The following PDZD2 variants were observed in gnomAD, a reference collection of about 807,000 sequenced individuals.
PDZD2 encodes PDZ domain containing 2.
A neutral mutation model predicts 220.7 loss-of-function variants in PDZD2; 90 were observed. The observed-to-expected ratio is 0.41, with a 90% CI of 0.34 to 0.49. PDZD2 has a LOEUF of 0.49. PDZD2 is among the 20% of genes least tolerant of loss of function. PDZD2 has a pLI of 0.28. For synonymous variants in PDZD2, 1,375 were observed against 1,450.5 expected (o/e 0.95, Z 1.18); for missense variants, 3,174 against 3,608.5 (o/e 0.88, Z 3.08).
intron 1 of PDZD2, among the ~76,000 whole-genome samples, chr5:31,721,897 C>T (rs1042312875): frequency 6.6e-6 from 1 of 152,072 alleles, no homozygotes; most frequent in East Asian, 1.9e-4. Flanking sequence ...ATCTGTTTCT[C>T]CTCTGGATTT....
intron 12 of PDZD2, 52 bp from the exon 13 acceptor site, chr5:32,059,187 T>C (rs889024855): frequency 1.1e-6 from 1 of 922,684 alleles, no homozygotes; most frequent in Non-Finnish European, 1.8e-6. Context: ...ACATTTTTTC[T>C]AGTGATTGTG....
chr5:31,805,800 G>A (rs1291498024), intron 2 of PDZD2, among the ~76,000 whole-genome samples: 2 of 152,166 alleles, frequency 1.3e-5, no homozygotes, highest in Non-Finnish European at 2.9e-5. Flanking sequence ...AGTGGAGTAG[G>A]TTGGCCCCTA....
At chr5:32,080,708 G>A (rs1406313058) in intron 19 of PDZD2, among the ~76,000 whole-genome samples, 1 of 152,120 alleles carries the variant, frequency 6.6e-6, no homozygotes, top group Non-Finnish European at 1.5e-5. Context: ...AGAAAATGTA[G>A]TACATATACA....
chr5:31,869,556 T>G (rs1254060178), intron 2 of PDZD2, among the ~76,000 whole-genome samples: 1 of 151,794 alleles, frequency 6.6e-6, no homozygotes. Context: ...AGAGCGAGAC[T>G]CTGTCTCAAA....
intron 1 of PDZD2, among the ~76,000 whole-genome samples, chr5:31,656,873 T>C (rs565483186): frequency 6.6e-6 from 1 of 152,314 alleles, no homozygotes; most frequent in African/African-American, 2.4e-5. Context: ...CTCTCTCCAT[T>C]AGAAGTAGTG....
At chr5:31,674,461 AC>A (rs1340144208) in intron 1 of PDZD2, among the ~76,000 whole-genome samples, 1 of 152,226 alleles carries the variant, frequency 6.6e-6, no homozygotes, top group African/African-American at 2.4e-5. Context: ...AACCAAAAAC[AC>A]TTAGAAATAG....
chr5:31,645,724 T>C (rs1265265204), intron 1 of PDZD2, among the ~76,000 whole-genome samples: 1 of 152,162 alleles, frequency 6.6e-6, no homozygotes, highest in African/African-American at 2.4e-5. Flanking sequence ...ACAGACCCTG[T>C]TGTCCTGGCC....
In PDZD2 at chr5:32,010,498, C is replaced by G; in HGVS notation, c.1407+16C>G. Reference sequence around the variant, plus strand: ...CCAGAGAGCAGTAAGTGGCTCTGTGCTCCTGGCTTTCTGTTGGAATTACTT... The same window carrying G: ...CCAGAGAGCAGTAAGTGGCTCTGTGGTCCTGGCTTTCTGTTGGAATTACTT... On this transcript the variant is annotated intron_variant, in intron 6 of 24. Transcript: ENST00000438447. 6.3e-7 allele frequency: 1 copy of G among 1,589,308 alleles called. No homozygotes were observed. The highest frequency in any genetic ancestry group is 8.6e-7 in the Non-Finnish European group (1 of 1,160,374).
chr5:32,029,485 C>T (rs1386985466), intron 6 of PDZD2, among the ~76,000 whole-genome samples: 1 of 151,984 alleles, frequency 6.6e-6, no homozygotes, highest in African/African-American at 2.4e-5. Context: ...TAGGATTTAA[C>T]CCCAGTTTAT....
intron 2 of PDZD2, among the ~76,000 whole-genome samples, chr5:31,857,309 G>A (rs1323508841): frequency 6.6e-6 from 1 of 152,008 alleles, no homozygotes; most frequent in Non-Finnish European, 1.5e-5. Context: ...ATCATTGTGG[G>A]GTCTCCTCTC....
chr5:31,685,076 G>A (rs1175492909), intron 1 of PDZD2, among the ~76,000 whole-genome samples: 1 of 152,016 alleles, frequency 6.6e-6, no homozygotes, highest in African/African-American at 2.4e-5. Context: ...TGCCCTCTCT[G>A]TTTGTTCTCC....
At chr5:31,836,069 T>G (rs1406753647) in intron 2 of PDZD2, among the ~76,000 whole-genome samples, 1 of 152,208 alleles carries the variant, frequency 6.6e-6, no homozygotes, top group Non-Finnish European at 1.5e-5. Context: ...TCTGCTATGT[T>G]TGCAAAAAGG....
chr5:31,869,278 C>T (rs1242199152), intron 2 of PDZD2, among the ~76,000 whole-genome samples: 1 of 152,194 alleles, frequency 6.6e-6, no homozygotes, highest in Non-Finnish European at 1.5e-5. Flanking sequence ...AGCCACGCTC[C>T]TCAGCCCTCA....
chr5:31,746,396 G>A (rs1384373889), intron 1 of PDZD2, among the ~76,000 whole-genome samples: 1 of 152,194 alleles, frequency 6.6e-6, no homozygotes, highest in Non-Finnish European at 1.5e-5. Context: ...AAACAGAGCT[G>A]TGATCCATTA....
At chr5:31,712,362 C>T (rs1277368003) in intron 1 of PDZD2, among the ~76,000 whole-genome samples, 7 of 152,058 alleles carry the variant, frequency 4.6e-5, no homozygotes, top group Non-Finnish European at 4.4e-5. Flanking sequence ...TCGAGAAGCC[C>T]TAGGAATGTT....
chr5:31,814,123 A>C (rs896996742), intron 2 of PDZD2, among the ~76,000 whole-genome samples: 1 of 152,248 alleles, frequency 6.6e-6, no homozygotes, highest in Non-Finnish European at 1.5e-5. Context: ...GAGGTACCAG[A>C]AAAGATGTAT....
chr5:31,813,233 G>A (rs528281080), intron 2 of PDZD2, among the ~76,000 whole-genome samples: 5 of 152,016 alleles, frequency 3.3e-5, no homozygotes, highest in East Asian at 1.9e-4. Context: ...GGTGGATCAC[G>A]AGGTCAGGAG....
chr5:31,884,299 A>G (rs1225523389), intron 2 of PDZD2, among the ~76,000 whole-genome samples: 1 of 151,906 alleles, frequency 6.6e-6, no homozygotes, highest in Non-Finnish European at 1.5e-5. Context: ...CAGAGACCTT[A>G]GGTCTGGCCG....
chr5:31,772,431 C>A (rs868483003), intron 1 of PDZD2, among the ~76,000 whole-genome samples: 15 of 152,366 alleles, frequency 9.8e-5, no homozygotes, highest in African/African-American at 1.7e-4. Context: ...GGAATAAGAA[C>A]CCCTTCCCCT....
Sources: allele counts gnomAD v4.1 joint callset (sites outside exome capture counted in the v4.1 genomes callset), GRCh38; gene constraint gnomAD v4.1.1; transcripts MANE v1.5; gene names NCBI Gene and HGNC (gene_info 2026-07-23, HGNC 2026-07-21).